Variants in SNTB1 observed in about 807,000 individuals in gnomAD.
The protein encoded by SNTB1 is syntrophin beta 1, also known as beta-1-syntrophin.
A neutral mutation model predicts 48.9 loss-of-function variants in SNTB1; 36 were observed. The ratio of observed to expected loss-of-function variants is 0.74; its 90% confidence interval spans 0.56 to 0.97. SNTB1 has a LOEUF of 0.97. Ranked by LOEUF, SNTB1 falls within the 50% of genes least tolerant of loss-of-function variation. The pLI, the probability that SNTB1 is intolerant of heterozygous loss-of-function variation, is 0.00. For missense variants in SNTB1, 786 were observed against 703.4 expected, an observed-to-expected ratio of 1.12 and a Z score of -1.33; for synonymous variants, 299 against 294.6, an observed-to-expected ratio of 1.01 and a Z score of -0.15.
In SNTB1 at chr8:120,538,703, T is replaced by A. The variant is rs923796455; in HGVS notation, c.*174A>T. The A allele has an allele frequency of 2.3e-5, 16 of 689,486 alleles. No individual in the cohort carries two copies. Among genetic ancestry groups the A allele is most frequent in the Admixed American group, 6.1e-5 (3 of 49,334 alleles). The allele number at this position is 689,486 out of a possible 1,614,324, so 42.7% of individuals were successfully genotyped here. A position where few individuals can be genotyped will look rare whatever the true frequency, so the allele number is the denominator to read the frequency against. On this transcript the variant is annotated 3_prime_UTR_variant, in exon 7 of 7. Coordinates refer to ENST00000517992, the MANE Select transcript of SNTB1 (RefSeq NM_021021.4). ...CATGGTACTTTCGCAGGGTATCCCTTGTAGTTGCTGAAACTGACAGAGGAG... is the reference window on the plus strand; with the variant it reads ...CATGGTACTTTCGCAGGGTATCCCTAGTAGTTGCTGAAACTGACAGAGGAG...
At chr8:120,715,231 G>A (rs1286522072) in intron 1 of SNTB1, among the ~76,000 whole-genome samples, 2 of 152,212 alleles carry the variant, frequency 1.3e-5, no homozygotes, top group African/African-American at 2.4e-5. Flanking sequence ...GCCTAAATGA[G>A]TGAAAGTCAA....
At position 120,538,931 on chromosome 8, in the gene SNTB1, G is replaced by C. The variant is rs1815241105; in HGVS notation, c.1563C>G (p.Phe521Leu). 4.3e-6 allele frequency: 7 copies of C among 1,613,736 alleles called. No individual in the cohort carries two copies. The highest frequency in any genetic ancestry group is 5.1e-6 in the Non-Finnish European group (6 of 1,179,762). The change falls in exon 7 of 7, where the codon TTC (phenylalanine) becomes TTG (leucine). Residue 521 changes from phenylalanine to leucine, a missense_variant. Physicochemically the swap from Phe to Leu is conservative, Grantham distance 22 (BLOSUM62 0). Transcript: ENST00000517992. ...DLHSCPKPIV[F>L]IIHSFLSAKI... The stretch of plus-strand genomic sequence containing the variant: ...TAGCTGACAGGAAGGAATGAATGAT[G>C]AAAACAATTGGCTTGGGGCAGGAAT...
chr8:120,753,626 T>G lies in SNTB1; in HGVS notation c.571+57647A>C, dbSNP rs576642721. ...CCCACAGTGCTTGGTACATTTTCCCTGTGAACAGTAAGGGGAGAATAAGCA... is the reference window on the plus strand; with the variant it reads ...CCCACAGTGCTTGGTACATTTTCCCGGTGAACAGTAAGGGGAGAATAAGCA... On this transcript the variant is annotated intron_variant, in intron 1 of 6. Coordinates refer to ENST00000517992, the MANE Select transcript of SNTB1 (RefSeq NM_021021.4). 3.7e-4 allele frequency among the ~76,000 whole-genome samples: 57 copies of G among 152,286 alleles called. No individual in the cohort carries two copies. In the South Asian group the frequency reaches 6.2e-3, roughly 17 times the overall value.
rs1004323411 is a variant in SNTB1 at position 120,811,555 on chromosome 8, C to G, written c.289G>C (p.Asp97His). 18 of 1,590,218 alleles carry G rather than the reference C, an allele frequency of 1.1e-5. No homozygotes were observed. The Admixed American group carries it at 2.5e-4, about 22-fold the overall frequency. The change falls in exon 1 of 7, where the codon GAC (aspartate) becomes CAC (histidine). Residue 97 changes from aspartate (D) to histidine (H), a missense_variant. By Grantham distance (81) the Asp-to-His change is moderately conservative. Coordinates refer to ENST00000517992, the MANE Select transcript of SNTB1 (RefSeq NM_021021.4). ...GACTCGGGCACCTGCTCGGGCAGGT[C>G]GGTGAAAGCGGTGCGGACCCCGGCG... Reference protein sequence around the residue: ...SPAGVRTAFTDLPEQVPESIS... With the variant: ...SPAGVRTAFTHLPEQVPESIS...
At chr8:120,546,660 G>T (rs1749123734) in intron 5 of SNTB1, among the ~76,000 whole-genome samples, 1 of 152,046 alleles carries the variant, frequency 6.6e-6, no homozygotes, top group African/African-American at 2.4e-5. Flanking sequence ...AGTAGAGACG[G>T]GGTTTCACCA....
chr8:120,562,712 G>C (rs1364436130), intron 4 of SNTB1, among the ~76,000 whole-genome samples: 1 of 152,092 alleles, frequency 6.6e-6, no homozygotes, highest in South Asian at 2.1e-4. Context: ...AAACTTTCTA[G>C]TGAAAAGAAT....
chr8:120,807,624 C>T (rs1046972828), intron 1 of SNTB1, among the ~76,000 whole-genome samples: 7 of 152,198 alleles, frequency 4.6e-5, no homozygotes, highest in East Asian at 1.9e-4. Flanking sequence ...ACAGCAGCTT[C>T]GTTTTGACAG....
At chr8:120,764,337 A>T (rs1819479439) in intron 1 of SNTB1, among the ~76,000 whole-genome samples, 1 of 152,214 alleles carries the variant, frequency 6.6e-6, no homozygotes, top group South Asian at 2.1e-4. Context: ...TTCCATGTGC[A>T]GAGAAGTATG....
intron 1 of SNTB1, among the ~76,000 whole-genome samples, chr8:120,744,856 T>C (rs1373424282): frequency 6.6e-6 from 1 of 152,192 alleles, no homozygotes; most frequent in Non-Finnish European, 1.5e-5. Context: ...CATGAAATAA[T>C]ATAATACCAT....
chr8:120,770,809 G>A (rs921175792), intron 1 of SNTB1, among the ~76,000 whole-genome samples: 4 of 152,014 alleles, frequency 2.6e-5, no homozygotes, highest in Non-Finnish European at 4.4e-5. Context: ...GCAAAACTCT[G>A]TCTCAAAAAA....
At chr8:120,685,157 C>T (rs1448001318) in intron 2 of SNTB1, among the ~76,000 whole-genome samples, 3 of 152,194 alleles carry the variant, frequency 2.0e-5, no homozygotes, top group Non-Finnish European at 2.9e-5. Flanking sequence ...ACACTGATGG[C>T]TCTACTGGTG....
chr8:120,781,555 C>T (rs907792731), intron 1 of SNTB1, among the ~76,000 whole-genome samples: 29 of 152,124 alleles, frequency 1.9e-4, no homozygotes, highest in African/African-American at 5.6e-4. Flanking sequence ...AATAAAAAGA[C>T]TGAGACTCAG....
intron 2 of SNTB1, among the ~76,000 whole-genome samples, chr8:120,690,220 G>T (rs73321229): frequency 0.024 from 3,680 of 152,044 alleles, 151 homozygotes; most frequent in African/African-American, 0.082. Context: ...CTTTATCATA[G>T]TATGTATGTA....
At chr8:120,716,242 A>T (rs559655791) in intron 1 of SNTB1, among the ~76,000 whole-genome samples, 1 of 152,366 alleles carries the variant, frequency 6.6e-6, no homozygotes, top group South Asian at 2.1e-4. Context: ...TGACTGCCTG[A>T]GAAGAATATA....
chr8:120,613,441 G>C (rs936754892), intron 3 of SNTB1, among the ~76,000 whole-genome samples: 2 of 152,076 alleles, frequency 1.3e-5, no homozygotes, highest in African/African-American at 4.8e-5. Context: ...GTTACTAGAG[G>C]CTGGGAAAGG....
At chr8:120,640,570 TGA>T (rs1323665443) in intron 2 of SNTB1, among the ~76,000 whole-genome samples, 1 of 152,198 alleles carries the variant, frequency 6.6e-6, no homozygotes, top group Non-Finnish European at 1.5e-5. Context: ...CCTAATTTAT[TGA>T]GAGTTTTTAG....
At chr8:120,594,276 T>G (rs924508675) in intron 3 of SNTB1, among the ~76,000 whole-genome samples, 8 of 152,038 alleles carry the variant, frequency 5.3e-5, no homozygotes, top group African/African-American at 1.9e-4. Flanking sequence ...TCTCTCTTGT[T>G]GCCCAGGCTG....
chr8:120,609,306 A>C (rs1816580161), intron 3 of SNTB1, among the ~76,000 whole-genome samples: 1 of 152,210 alleles, frequency 6.6e-6, no homozygotes, highest in Admixed American at 6.5e-5. Flanking sequence ...TCCTGTGTTA[A>C]TGTTCTGTGT....
intron 2 of SNTB1, among the ~76,000 whole-genome samples, chr8:120,691,513 GTA>G (rs1167584944): frequency 6.6e-6 from 1 of 152,180 alleles, no homozygotes; most frequent in Non-Finnish European, 1.5e-5. Context: ...GTAATTAATT[GTA>G]TTCCATAGTA....
Sources: allele counts gnomAD v4.1 joint callset (sites outside exome capture counted in the v4.1 genomes callset), GRCh38; gene constraint gnomAD v4.1.1; transcripts MANE v1.5; gene names NCBI Gene and HGNC (gene_info 2026-07-23, HGNC 2026-07-21).